The following STRN variants were observed in gnomAD, a reference collection of about 807,000 sequenced individuals.
STRN encodes the protein protein phosphatase 2 regulatory subunit B'''alpha.
Under a neutral mutation model 96.3 loss-of-function variants are expected in STRN, and 53 were observed. That is an observed-to-expected ratio of 0.55 (90% CI 0.44 to 0.69). STRN has a LOEUF of 0.69. STRN is among the 30% of genes least tolerant of loss of function. The pLI is 0.00. For missense variants in STRN, 987 were observed against 963.9 expected (o/e 1.02, Z -0.32); for synonymous variants, 428 against 355.9 (o/e 1.20, Z -2.28).
chr2:36,851,313 T>C (rs999135942), intron 15 of STRN, among the ~76,000 whole-genome samples: 19 of 152,158 alleles, frequency 1.2e-4, no homozygotes, highest in Admixed American at 8.5e-4. Flanking sequence ...TGAAACCCTG[T>C]CTCTATTAAA....
intron 1 of STRN, among the ~76,000 whole-genome samples, chr2:36,936,953 T>G (rs1169302014): frequency 2.0e-5 from 3 of 152,208 alleles, no homozygotes; most frequent in Non-Finnish European, 4.4e-5. Context: ...ATATGGTTCA[T>G]GATGGCAGAA....
intron 5 of STRN, among the ~76,000 whole-genome samples, chr2:36,900,009 C>T (rs1033883167): frequency 1.3e-5 from 2 of 152,192 alleles, no homozygotes; most frequent in Non-Finnish European, 2.9e-5. Context: ...CAGTTTCAGC[C>T]TCCCAAGCAG....
At chr2:36,898,752 T>G (rs1422472342) in intron 6 of STRN, among the ~76,000 whole-genome samples, 1 of 152,190 alleles carries the variant, frequency 6.6e-6, no homozygotes, top group Non-Finnish European at 1.5e-5. Flanking sequence ...TTATATTACT[T>G]TACTTTCCTC....
At chr2:36,936,883 G>A (rs1670714137) in intron 1 of STRN, among the ~76,000 whole-genome samples, 1 of 152,028 alleles carries the variant, frequency 6.6e-6, no homozygotes, top group Non-Finnish European at 1.5e-5. Flanking sequence ...AATAAAGCAT[G>A]TGTGTTAAAA....
At chr2:36,902,877 G>C (rs766058908) in intron 4 of STRN, 126 bp from the exon 5 acceptor site, 11 of 657,216 alleles carry the variant, frequency 1.7e-5, no homozygotes, top group Non-Finnish European at 2.5e-5. Flanking sequence ...TACTATGCTA[G>C]TAAGACTTGT....
chr2:36,885,683 GTAA>G (rs1361764618), intron 8 of STRN, among the ~76,000 whole-genome samples: 1 of 152,094 alleles, frequency 6.6e-6, no homozygotes, highest in Non-Finnish European at 1.5e-5. Flanking sequence ...ATGCTTTTAA[GTAA>G]TAAAGTTTAA....
Position 36,839,027 on chromosome 2 carries a change from T to G in STRN, c.*10429A>C, listed in dbSNP as rs1667884682. Among the ~76,000 whole-genome samples the G allele has an allele frequency of 6.6e-6, 1 of 152,224 alleles. No individual in the cohort carries two copies. The highest frequency in any genetic ancestry group is 2.1e-4 in the South Asian group (1 of 4,834). Reference sequence around the variant, plus strand: ...TAGAAAAAGCAAGTGCAGCATAATATGTAGAATAAAACCCCATATGTAATA... The same window carrying G: ...TAGAAAAAGCAAGTGCAGCATAATAGGTAGAATAAAACCCCATATGTAATA... On this transcript the variant is annotated 3_prime_UTR_variant, in exon 18 of 18. Transcript: ENST00000263918.
chr2:36,850,499 T>C (rs1466096119), intron 16 of STRN, among the ~76,000 whole-genome samples: 1 of 152,142 alleles, frequency 6.6e-6, no homozygotes, highest in Non-Finnish European at 1.5e-5. Context: ...AAGATTAGTC[T>C]ATGGAAAAAC....
chr2:36,965,063 A>G (rs1391126122), intron 1 of STRN, among the ~76,000 whole-genome samples: 2 of 152,050 alleles, frequency 1.3e-5, no homozygotes, highest in African/African-American at 4.8e-5. Flanking sequence ...CTTCCACTAC[A>G]CCAGAGCCTG....
At chr2:36,860,167 G>C (rs1380538704) in intron 13 of STRN, among the ~76,000 whole-genome samples, 1 of 152,098 alleles carries the variant, frequency 6.6e-6, no homozygotes, top group Non-Finnish European at 1.5e-5. Context: ...GAGAACAAGA[G>C]CAGAAGAGCA....
intron 1 of STRN, among the ~76,000 whole-genome samples, chr2:36,930,745 C>G (rs1407274817): frequency 6.6e-6 from 1 of 151,790 alleles, no homozygotes; most frequent in Non-Finnish European, 1.5e-5. Flanking sequence ...AAAGAACAGT[C>G]CCAGAGGCCG....
Position 36,846,390 on chromosome 2 carries a change from TATATATATATATATA to T in STRN, c.*3051_*3065del, listed in dbSNP as rs1558617549. On this transcript the variant is annotated 3_prime_UTR_variant, in exon 18 of 18. Transcript: ENST00000263918. ...AACAGTAAAATGCACCTATGGTTTA[TATATATATATATATA>T]TATATATATATATATATATATATAG... 36 of 26,384 alleles carry T rather than the reference TATATATATATATATA, an allele frequency of 1.4e-3. No individual in the cohort carries two copies. The highest frequency in any genetic ancestry group is 3.6e-3 in the Non-Finnish European group (30 of 8,222). The allele number at this position is 26,384 out of a possible 1,614,324, so 1.6% of individuals were successfully genotyped here. A position where few individuals can be genotyped will look rare whatever the true frequency, so the allele number is the denominator to read the frequency against.
intron 13 of STRN, among the ~76,000 whole-genome samples, chr2:36,858,922 T>C (rs1323908914): frequency 6.6e-6 from 1 of 152,106 alleles, no homozygotes; most frequent in East Asian, 1.9e-4. Context: ...GAGTGAGAAC[T>C]TGGAGAGTGA....
chr2:36,887,084 C>CAT lies in STRN; in HGVS notation c.932-259_932-258insAT, dbSNP rs1553397019. Among the ~76,000 whole-genome samples, 777 of 118,170 alleles carry CAT rather than the reference C, an allele frequency of 6.6e-3. 10 individuals carry two copies. Among genetic ancestry groups the CAT allele is most frequent in the African/African-American group, 0.02 (694 of 34,414 alleles). The allele number at this position is 118,170 out of a possible 152,430, so 77.5% of individuals were successfully genotyped here. On this transcript the variant is annotated intron_variant, in intron 7 of 17. Coordinates refer to ENST00000263918, the MANE Select transcript of STRN (RefSeq NM_003162.4). ...ACACACACACACACACACACACACA[C>CAT]ACGGAAGATTTTAGTGATTTTTAGT...
In STRN at chr2:36,916,082, A is replaced by C. The variant is rs772438041; in HGVS notation, c.408T>G (p.Asp136Glu). 2 of 1,612,686 alleles carry C rather than the reference A, an allele frequency of 1.2e-6. No homozygotes were observed. Among genetic ancestry groups the C allele is most frequent in the South Asian group, 2.2e-5 (2 of 91,000 alleles). The change falls in exon 3 of 18, where the codon GAT (aspartate) becomes GAG (glutamate). Residue 136 changes from aspartate (D) to glutamate (E), a missense_variant. Physicochemically the swap from Asp to Glu is conservative, Grantham distance 45. Transcript: ENST00000263918. The stretch of plus-strand genomic sequence containing the variant: ...CTTCCATTAAAATTAGCTTACCAGA[A>C]TCATAGCTTGGAGGCTTCATATCTC... ...NQGDMKPPSYDSDEGNETEVQ... is the reference protein window; with the variant it reads ...NQGDMKPPSYESDEGNETEVQ...
At chr2:36,862,896 C>T (rs956051182) in intron 12 of STRN, among the ~76,000 whole-genome samples, 3 of 152,028 alleles carry the variant, frequency 2.0e-5, no homozygotes, top group Admixed American at 2.0e-4. Context: ...CCACCACGCC[C>T]GTCTAATTTT....
At position 36,848,500 on chromosome 2, in the gene STRN, T is replaced by C. The variant is rs918911837; in HGVS notation, c.*956A>G. The C allele has an allele frequency of 6.6e-6, 1 of 152,172 alleles. No individual in the cohort carries two copies. The highest frequency in any genetic ancestry group is 2.1e-4 in the South Asian group (1 of 4,830). The allele number at this position is 152,172 out of a possible 1,614,324, so 9.4% of individuals were successfully genotyped here. ...CATCTGAAGCATGATTAGGTGGGTG[T>C]TGATAAATGATTATTAGCAAATAAA... is the stretch of plus-strand genomic sequence containing the variant. On this transcript the variant is annotated 3_prime_UTR_variant, in exon 18 of 18. Coordinates refer to ENST00000263918, the MANE Select transcript of STRN (RefSeq NM_003162.4).
chr2:36,872,576 T>C (rs1048946682), intron 10 of STRN, among the ~76,000 whole-genome samples: 1 of 152,220 alleles, frequency 6.6e-6, no homozygotes, highest in South Asian at 2.1e-4. Flanking sequence ...ATTTGTTACA[T>C]AGCCATAGGT....
At chr2:36,886,460 AAC>A in intron 8 of STRN, among the ~76,000 whole-genome samples, 1 of 152,334 alleles carries the variant, frequency 6.6e-6, no homozygotes, top group South Asian at 2.1e-4. Context: ...TACATAGCCC[AAC>A]ACTCATGAGG....
Sources: allele counts gnomAD v4.1 joint callset (sites outside exome capture counted in the v4.1 genomes callset), GRCh38; gene constraint gnomAD v4.1.1; transcripts MANE v1.5; gene names NCBI Gene and HGNC (gene_info 2026-07-23, HGNC 2026-07-21).